The following PCDHA5 variants were observed in gnomAD, a reference collection of about 807,000 sequenced individuals.
The protein encoded by PCDHA5 is protocadherin alpha-5.
In PCDHA5, 43 loss-of-function variants were observed where a neutral mutation model predicts 61.6. That is an observed-to-expected ratio of 0.70 (90% CI 0.55 to 0.90). The LOEUF (loss-of-function observed/expected upper bound fraction) is 0.90. Among genes scored for constraint, PCDHA5 ranks in the 40% least tolerant of loss-of-function variants. The pLI, the probability that PCDHA5 is intolerant of heterozygous loss-of-function variation, is 0.00. For missense variants in PCDHA5, 1,298 were observed against 1,222.7 expected, an observed-to-expected ratio of 1.06 and a Z score of -0.92; for synonymous variants, 627 against 543.9, an observed-to-expected ratio of 1.15 and a Z score of -2.13.
intron 1 of PCDHA5, among the ~76,000 whole-genome samples, chr5:140,970,698 A>G (rs2096425914): frequency 6.6e-6 from 1 of 152,228 alleles, no homozygotes; most frequent in Non-Finnish European, 1.5e-5. Flanking sequence ...TTTTAGAGCT[A>G]CTACACAATG....
At chr5:140,950,127 GAC>G (rs1554219301) in intron 1 of PCDHA5, among the ~76,000 whole-genome samples, 2 of 151,794 alleles carry the variant, frequency 1.3e-5, no homozygotes, top group Non-Finnish European at 2.9e-5. Context: ...AAACCCACAA[GAC>G]ACAGTTATAA....
At position 140,823,941 on chromosome 5, in the gene PCDHA5, C is replaced by A; in HGVS notation, c.2166C>A (p.Cys722Ter). Residue 722 changes from cysteine (C) to a stop codon, truncating the protein, a stop_gained, in exon 1 of 4, where the codon TGC becomes TGA. Transcript: ENST00000529859. LOFTEE classifies it high-confidence loss of function. ...LTLLLYTALR[C>*]SAQPTEAVCT... The stretch of plus-strand genomic sequence containing the variant: ...TGCTGCTGTACACCGCGCTGCGGTG[C>A]TCGGCGCAGCCCACCGAGGCCGTGT... The A allele has an allele frequency of 6.2e-7, 1 of 1,613,924 alleles. No individual in the cohort carries two copies. The highest frequency in any genetic ancestry group is 8.5e-7 in the Non-Finnish European group (1 of 1,179,952).
intron 1 of PCDHA5, chr5:140,831,275 T>C (rs2150193117): frequency 5.3e-5 from 8 of 152,198 alleles, no homozygotes; most frequent in Admixed American, 1.3e-4. Flanking sequence ...CACTTGATGG[T>C]CTTCTCTTCA....
chr5:140,967,908 A>G (rs554849478), intron 1 of PCDHA5: 5 of 1,614,138 alleles, frequency 3.1e-6, no homozygotes, highest in East Asian at 2.2e-5. Flanking sequence ...GCTACACCCA[A>G]CACCATTGTG....
At chr5:140,843,773 T>A in intron 1 of PCDHA5, 1 of 1,456,190 alleles carries the variant, frequency 6.9e-7, no homozygotes. Context: ...GTAGTTACTT[T>A]AAAAGTGTTT....
At chr5:140,937,736 C>T (rs778178538) in intron 1 of PCDHA5, among the ~76,000 whole-genome samples, 84 of 151,896 alleles carry the variant, frequency 5.5e-4, no homozygotes, top group Non-Finnish European at 1.1e-3. Context: ...CACGGTGAAA[C>T]CCCGTCTCTA....
chr5:140,992,841 A>G (rs1351149915), intron 3 of PCDHA5, among the ~76,000 whole-genome samples: 2 of 152,188 alleles, frequency 1.3e-5, no homozygotes, highest in African/African-American at 2.4e-5. Flanking sequence ...AACATTTTGT[A>G]TAACAACCAG....
intron 1 of PCDHA5, among the ~76,000 whole-genome samples, chr5:140,975,393 C>G (rs2096665585): frequency 6.6e-6 from 1 of 152,256 alleles, no homozygotes. Flanking sequence ...TAAGATCCAT[C>G]ACAATCACAG....
At chr5:140,926,704 T>A in intron 1 of PCDHA5, 1 of 842,670 alleles carries the variant, frequency 1.2e-6, no homozygotes, top group Non-Finnish European at 1.7e-6. Context: ...GGCTCCCAGC[T>A]GGCCAGCCCC....
intron 1 of PCDHA5, chr5:140,871,260 G>A: frequency 1.9e-6 from 3 of 1,613,980 alleles, no homozygotes; most frequent in South Asian, 1.1e-5. Flanking sequence ...TGTATACGGC[G>A]CTGTGGTGGT....
At chr5:140,882,899 T>C (rs956861597) in intron 1 of PCDHA5, 1 of 1,614,228 alleles carries the variant, frequency 6.2e-7, no homozygotes. Context: ...ACATAGTTTA[T>C]TACTGACAGC....
intron 1 of PCDHA5, among the ~76,000 whole-genome samples, chr5:140,897,219 C>T (rs1169975962): frequency 1.1e-4 from 17 of 152,004 alleles, no homozygotes; most frequent in Admixed American, 1.1e-3. Flanking sequence ...TTTTAGGGTA[C>T]ATGTGCACAA....
At chr5:140,878,461 T>G (rs1274651575) in intron 1 of PCDHA5, among the ~76,000 whole-genome samples, 1 of 152,230 alleles carries the variant, frequency 6.6e-6, no homozygotes, top group Non-Finnish European at 1.5e-5. Context: ...TGAAATATAA[T>G]AAAATCATTT....
At chr5:140,850,013 C>G in intron 1 of PCDHA5, 1 of 1,597,018 alleles carries the variant, frequency 6.3e-7, no homozygotes, top group Non-Finnish European at 8.6e-7. Flanking sequence ...CGCTGTCGAG[C>G]TACGTGTCAG....
At chr5:140,827,343 TGAAAA>T (rs1769258641) in intron 1 of PCDHA5, among the ~76,000 whole-genome samples, 1 of 152,128 alleles carries the variant, frequency 6.6e-6, no homozygotes, top group South Asian at 2.1e-4. Context: ...GTGAAGTATA[TGAAAA>T]GAAAATATTT....
intron 1 of PCDHA5, chr5:140,864,834 A>T (rs2048619369): frequency 6.6e-6 from 1 of 152,166 alleles, no homozygotes; most frequent in African/African-American, 2.4e-5. Context: ...TTTAAGTATA[A>T]GAGAGTCTTC....
At chr5:140,938,336 A>G (rs1251086891) in intron 1 of PCDHA5, among the ~76,000 whole-genome samples, 1 of 152,204 alleles carries the variant, frequency 6.6e-6, no homozygotes, top group African/African-American at 2.4e-5. Context: ...ATGTTAATGG[A>G]TAATCTTGTC....
In PCDHA5 at chr5:140,885,198, T is replaced by A. The variant is rs531029212; in HGVS notation, c.2352+61071T>A. On this transcript the variant is annotated intron_variant, in intron 1 of 3. Coordinates refer to ENST00000529859, the MANE Select transcript of PCDHA5 (RefSeq NM_018908.3). ...TAGGCACATCAGTGTTCCCCTCTCATATATCCCATGAAAAATATCTTGTGA... is the reference window on the plus strand; with the variant it reads ...TAGGCACATCAGTGTTCCCCTCTCAAATATCCCATGAAAAATATCTTGTGA... Among the ~76,000 whole-genome samples the A allele has an allele frequency of 5.9e-5, 9 of 152,276 alleles. No homozygotes were observed. In the South Asian group the frequency reaches 1.7e-3, roughly 28 times the overall value.
intron 1 of PCDHA5, chr5:140,830,393 G>T (rs1388629889): frequency 4.3e-6 from 7 of 1,614,072 alleles, no homozygotes; most frequent in African/African-American, 1.3e-5. Flanking sequence ...ACCCAAGATG[G>T]ATCTCATGGC....
Sources: gnomAD v4.1 joint callset for allele counts (sites outside exome capture counted in the v4.1 genomes callset) on GRCh38, gnomAD v4.1.1 for gene constraint, MANE v1.5 for transcripts, NCBI Gene and HGNC (gene_info 2026-07-23, HGNC 2026-07-21) for gene names.